Variants in MAPKAPK2 observed in about 807,000 individuals in gnomAD.
MAPKAPK2 encodes the protein MAPK activated protein kinase 2.
Under a neutral mutation model 48.8 loss-of-function variants are expected in MAPKAPK2, and 9 were observed. The ratio of observed to expected loss-of-function variants is 0.18; its 90% confidence interval spans 0.11 to 0.32. The LOEUF is 0.32. MAPKAPK2 is among the 10% of genes least tolerant of loss of function. The pLI is 1.00. For missense variants in MAPKAPK2, 331 were observed against 498.3 expected, an observed-to-expected ratio of 0.66 and a Z score of 3.20; for synonymous variants, 202 against 190.6, an observed-to-expected ratio of 1.06 and a Z score of -0.49.
intron 1 of MAPKAPK2, among the ~76,000 whole-genome samples, chr1:206,694,128 C>T (rs78058677): frequency 2.6e-5 from 4 of 152,346 alleles, no homozygotes; most frequent in Non-Finnish European, 2.9e-5. Flanking sequence ...TGTTCTTCAG[C>T]GTGGCGTTAG....
At chr1:206,727,681 C>T (rs1175086703) in intron 1 of MAPKAPK2, among the ~76,000 whole-genome samples, 4 of 152,022 alleles carry the variant, frequency 2.6e-5, no homozygotes, top group South Asian at 2.1e-4. Flanking sequence ...AGTGCAGTGG[C>T]GTGATCTCGG....
At position 206,731,305 on chromosome 1, in the gene MAPKAPK2, T is replaced by TG; in HGVS notation, c.892+44dup. 1 of 1,605,072 alleles carries TG rather than the reference T, an allele frequency of 6.2e-7. No individual in the cohort carries two copies. The highest frequency in any genetic ancestry group is 8.5e-7 in the Non-Finnish European group (1 of 1,173,086). ...CAGGACAAGGGGAAGAGCCCGTGTG[T>TG]GTGTGTGTGTGTGTATGTGTGTACA... On this transcript the variant is annotated intron_variant, in intron 7 of 9. Coordinates refer to ENST00000367103, the MANE Select transcript of MAPKAPK2 (RefSeq NM_032960.4). This position sits in a 1 kb window ranked among gnomAD's most constrained non-coding sequence, Gnocchi z 5.9.
chr1:206,731,368 G>T lies in MAPKAPK2; in HGVS notation c.892+106G>T. The T allele has an allele frequency of 6.4e-7, 1 of 1,553,406 alleles. No homozygotes were observed. The highest frequency in any genetic ancestry group is 8.7e-7 in the Non-Finnish European group (1 of 1,147,818). On this transcript the variant is annotated intron_variant, in intron 7 of 9. Coordinates refer to ENST00000367103, the MANE Select transcript of MAPKAPK2 (RefSeq NM_032960.4). This position sits in a 1 kb window ranked among gnomAD's most constrained non-coding sequence, Gnocchi z 5.9. ...TATGGGCCTCCATCTCATGTGCGTG[G>T]TGTAACTGTGGGTTAGCACCTATGC... is the stretch of plus-strand genomic sequence containing the variant.
In MAPKAPK2 at chr1:206,685,218, TC is replaced by T. The variant is rs1553425286; in HGVS notation, c.-8del. 4 of 388,712 alleles carry T rather than the reference TC, an allele frequency of 1.0e-5. No individual in the cohort carries two copies. Among genetic ancestry groups the T allele is most frequent in the South Asian group, 6.3e-5 (1 of 15,800 alleles). 24.1% of individuals were successfully genotyped at this position (388,712 alleles called of 1,614,324 possible). On this transcript the variant is annotated 5_prime_UTR_variant, in exon 1 of 10. Coordinates refer to ENST00000367103, the MANE Select transcript of MAPKAPK2 (RefSeq NM_032960.4). ...GGGCACCCCCGCCTGTGCCCCGGCG[TC>T]CCCGGGCACCATGCTGTCCAACTCC...
chr1:206,700,673 C>G (rs1553427793), intron 1 of MAPKAPK2, among the ~76,000 whole-genome samples: 2 of 152,166 alleles, frequency 1.3e-5, no homozygotes, highest in African/African-American at 4.8e-5. Context: ...ATCTATTTTC[C>G]TGATGAAACC....
At chr1:206,717,268 G>A (rs2102403273) in intron 1 of MAPKAPK2, among the ~76,000 whole-genome samples, 1 of 152,322 alleles carries the variant, frequency 6.6e-6, no homozygotes, top group South Asian at 2.1e-4. Context: ...GATGGAGTCA[G>A]CAATGGATCC....
intron 1 of MAPKAPK2, among the ~76,000 whole-genome samples, chr1:206,700,891 C>T (rs934618775): frequency 2.0e-5 from 3 of 152,162 alleles, no homozygotes; most frequent in African/African-American, 7.2e-5. Context: ...GAAATGGCAC[C>T]AGGTGTCAGG....
At chr1:206,718,253 C>T (rs1324136026) in intron 1 of MAPKAPK2, among the ~76,000 whole-genome samples, 1 of 152,134 alleles carries the variant, frequency 6.6e-6, no homozygotes, top group African/African-American at 2.4e-5. Flanking sequence ...GGATGTTGCC[C>T]GGGCGCTGTG....
intron 5 of MAPKAPK2, 79 bp downstream of exon 5, chr1:206,730,177 C>T (rs1015522322): frequency 3.7e-5 from 58 of 1,559,682 alleles, no homozygotes; most frequent in Admixed American, 1.6e-4. Flanking sequence ...TCTGGGGGGC[C>T]GCAAATCCTA....
At chr1:206,727,131 C>A (rs140906765) in intron 1 of MAPKAPK2, among the ~76,000 whole-genome samples, 1 of 152,250 alleles carries the variant, frequency 6.6e-6, no homozygotes, top group East Asian at 1.9e-4. Context: ...TCTTGACTTC[C>A]CATGAAGATG....
intron 1 of MAPKAPK2, among the ~76,000 whole-genome samples, chr1:206,727,734 G>C (rs900383699): frequency 2.2e-4 from 33 of 152,022 alleles, no homozygotes; most frequent in Admixed American, 7.2e-4. Flanking sequence ...CCATTCTCCT[G>C]CCTCAGCCTC....
chr1:206,706,132 A>C, intron 1 of MAPKAPK2, among the ~76,000 whole-genome samples: 1 of 150,380 alleles, frequency 6.6e-6, no homozygotes, highest in East Asian at 2.0e-4. Flanking sequence ...TTATTTATTT[A>C]TTTATTTATT....
intron 1 of MAPKAPK2, among the ~76,000 whole-genome samples, chr1:206,707,960 T>C (rs1014577075): frequency 1.3e-5 from 2 of 152,238 alleles, no homozygotes; most frequent in Non-Finnish European, 1.5e-5. Flanking sequence ...TTTCCACAAA[T>C]GCTGTGAAGA....
intron 3 of MAPKAPK2, 92 bp downstream of exon 3, chr1:206,729,191 T>A: frequency 8.4e-6 from 11 of 1,304,164 alleles, no homozygotes; most frequent in South Asian, 3.6e-5. Context: ...TGGGGAAGGG[T>A]GCTGAGGCTG....
At position 206,716,000 on chromosome 1, in the gene MAPKAPK2, G is replaced by GTT. The variant is rs79596770; in HGVS notation, c.280-12698_280-12697dup. On this transcript the variant is annotated intron_variant, in intron 1 of 9. Coordinates refer to ENST00000367103, the MANE Select transcript of MAPKAPK2 (RefSeq NM_032960.4). The stretch of plus-strand genomic sequence containing the variant: ...AGGCTAAACAACTGTTTTTGTCTCA[G>GTT]TTTTTTTTTTTTTAATTTCCCTCCT... 5.7e-3 allele frequency among the ~76,000 whole-genome samples: 797 copies of GTT among 140,892 alleles called. 3 individuals are homozygous for GTT. Among genetic ancestry groups the GTT allele is most frequent in the African/African-American group, 0.02 (767 of 38,534 alleles). 92.4% of individuals were successfully genotyped at this position (140,892 alleles called of 152,430 possible).
At chr1:206,692,232 T>C (rs1225661613) in intron 1 of MAPKAPK2, among the ~76,000 whole-genome samples, 1 of 152,048 alleles carries the variant, frequency 6.6e-6, no homozygotes, top group African/African-American at 2.4e-5. Flanking sequence ...TTCAAAGGAG[T>C]GCCTTCTAAT....
intron 1 of MAPKAPK2, among the ~76,000 whole-genome samples, chr1:206,717,605 A>G (rs1673376596): frequency 6.6e-6 from 1 of 152,130 alleles, no homozygotes; most frequent in African/African-American, 2.4e-5. Flanking sequence ...GGCCTGGTCA[A>G]GTGTGGCCTC....
intron 1 of MAPKAPK2, among the ~76,000 whole-genome samples, chr1:206,706,893 G>A (rs1558578922): frequency 6.6e-6 from 1 of 151,786 alleles, no homozygotes; most frequent in African/African-American, 2.4e-5. Flanking sequence ...TACCCCTTGG[G>A]GCTAGAAGGC....
In MAPKAPK2 at chr1:206,730,692, A is replaced by G. The variant is rs782278504; in HGVS notation, c.696A>G (p.Pro232=). 1 of 1,601,466 alleles carries G rather than the reference A, an allele frequency of 6.2e-7. No homozygotes were observed. Among genetic ancestry groups the G allele is most frequent in the South Asian group, 1.1e-5 (1 of 90,870 alleles). ...TPCYTPYYVA[P]EVLGPEKYDK... ...ATGTTGACCTTTGATTTGCAGCTCC[A>G]GAAGTGCTGGGTCCAGAGAAGTATG... Residue 232 remains proline (P), a synonymous_variant, in exon 6 of 10, where the codon CCA becomes CCG. Coordinates refer to ENST00000367103, the MANE Select transcript of MAPKAPK2 (RefSeq NM_032960.4).
Sources: gnomAD v4.1 joint callset for allele counts (sites outside exome capture counted in the v4.1 genomes callset) on GRCh38, gnomAD v4.1.1 for gene constraint, Gnocchi (gnomAD v3.1) non-coding constraint, MANE v1.5 for transcripts, NCBI Gene and HGNC (gene_info 2026-07-23, HGNC 2026-07-21) for gene names.